The following ETFDH variants were observed in gnomAD, a reference collection of about 807,000 sequenced individuals.
ETFDH encodes the protein electron transfer flavoprotein-ubiquinone oxidoreductase, mitochondrial.
ETFDH carries 61 observed loss-of-function variants against 73.2 expected under a neutral mutation model. That is an observed-to-expected ratio of 0.83 (90% CI 0.68 to 1.03). The LOEUF is 1.03. Among genes scored for constraint, ETFDH ranks in the 50% least tolerant of loss-of-function variants. The pLI is 0.00. For missense variants in ETFDH, 685 were observed against 745.0 expected (o/e 0.92, Z 0.94); for synonymous variants, 243 against 253.3 (o/e 0.96, Z 0.39).
intron 5 of ETFDH, among the ~76,000 whole-genome samples, chr4:158,690,079 C>T (rs1430238352): frequency 6.6e-6 from 1 of 152,054 alleles, no homozygotes; most frequent in Non-Finnish European, 1.5e-5. Context: ...ACTGGTTTCC[C>T]TAGTAATCTC....
At chr4:158,680,084 CAAAA>C (rs70962622) in intron 1 of ETFDH, 3 of 63,140 alleles carry the variant, frequency 4.8e-5, no homozygotes, top group South Asian at 6.3e-4. Context: ...GACTCTGTCT[CAAAA>C]AAAAAAAAAA....
intron 7 of ETFDH, 58 bp from the exon 8 acceptor site, chr4:158,697,501 A>T: frequency 6.9e-7 from 1 of 1,441,150 alleles, no homozygotes; most frequent in Non-Finnish European, 9.7e-7. Flanking sequence ...CATTGTGGTG[A>T]CATAAAAACA....
At chr4:158,693,253 T>C (rs1303260145) in intron 6 of ETFDH, among the ~76,000 whole-genome samples, 1 of 152,218 alleles carries the variant, frequency 6.6e-6, no homozygotes, top group East Asian at 1.9e-4. Flanking sequence ...CTTGACACAG[T>C]TGGATTATGT....
chr4:158,708,247 A>C, intron 12 of ETFDH, 117 bp from the exon 13 acceptor site: 1 of 693,398 alleles, frequency 1.4e-6, no homozygotes, highest in Non-Finnish European at 2.5e-6. Flanking sequence ...TCTATGGGTA[A>C]GCATTCAGAA....
chr4:158,687,672 C>T (rs2150307673), intron 5 of ETFDH, among the ~76,000 whole-genome samples: 2 of 152,286 alleles, frequency 1.3e-5, no homozygotes, highest in East Asian at 3.9e-4. Flanking sequence ...CCATTAATTC[C>T]CTCAAAGTAA....
intron 1 of ETFDH, among the ~76,000 whole-genome samples, chr4:158,677,892 GT>G (rs1172492873): frequency 1.3e-5 from 2 of 152,222 alleles, no homozygotes; most frequent in East Asian, 3.9e-4. Context: ...TTAGAATTTT[GT>G]TTTTGGTTTA....
At chr4:158,700,365 C>T (rs909985511) in intron 9 of ETFDH, among the ~76,000 whole-genome samples, 1 of 151,916 alleles carries the variant, frequency 6.6e-6, no homozygotes, top group Non-Finnish European at 1.5e-5. Context: ...GTATTCAAGC[C>T]TATTAAACTT....
chr4:158,708,287 TTTCC>T, intron 12 of ETFDH, 73 bp from the exon 13 acceptor site: 2 of 1,113,112 alleles, frequency 1.8e-6, no homozygotes, highest in Admixed American at 3.8e-5. Flanking sequence ...GTGGCTACTC[TTTCC>T]TTAATTTTTA....
Position 158,706,740 on chromosome 4 carries a change from C to T in ETFDH, c.1580C>T (p.Thr527Ile). Residue 527 changes from threonine (T) to isoleucine (I), a missense_variant, in exon 12 of 13, where the codon ACT becomes ATT. This residue lies in a region of ETFDH where 201 missense variants were observed against 225.2 expected (regional missense o/e 0.89). Transcript: ENST00000511912. ...TTGTCATCTGTGGCTCTGAGTGGTACTAATCATGAACATGACCAGCCGGCA... is the reference window on the plus strand; with the variant it reads ...TTGTCATCTGTGGCTCTGAGTGGTATTAATCATGAACATGACCAGCCGGCA... ...DLLSSVALSGTNHEHDQPAHL... is the reference protein window; with the variant it reads ...DLLSSVALSGINHEHDQPAHL... The T allele has an allele frequency of 1.2e-6, 2 of 1,613,544 alleles. No individual in the cohort carries two copies. The highest frequency in any genetic ancestry group is 1.7e-6 in the Non-Finnish European group (2 of 1,179,538).
At position 158,697,598 on chromosome 4, in the gene ETFDH, G is replaced by A; in HGVS notation, c.871G>A (p.Val291Ile). 6.2e-7 allele frequency: 1 copy of A among 1,612,566 alleles called. No individual in the cohort carries two copies. Among genetic ancestry groups the A allele is most frequent in the Non-Finnish European group, 8.5e-7 (1 of 1,179,094 alleles). ...IDEKNWKPGRVDHTVGWPLDR... is the reference protein window; with the variant it reads ...IDEKNWKPGRIDHTVGWPLDR... ...TGAAAAGAACTGGAAACCTGGGAGA[G>A]TAGATCACACTGTTGGTTGGCCCTT... The change falls in exon 8 of 13, where the codon GTA becomes ATA. Residue 291 changes from valine (V) to isoleucine (I), a missense_variant. Val to Ile is a conservative substitution (Grantham distance 29). Around this residue, in one of 3 missense-constraint regions of ETFDH, gnomAD observed 405 missense variants for 399.3 expected, o/e 1.01. Coordinates refer to ENST00000511912, the MANE Select transcript of ETFDH (RefSeq NM_004453.4).
At chr4:158,680,666 G>T in intron 2 of ETFDH, 59 bp downstream of exon 2, 1 of 1,351,736 alleles carries the variant, frequency 7.4e-7, no homozygotes, top group South Asian at 1.2e-5. Flanking sequence ...TTTTCATTTT[G>T]TGGAGGAGAG....
chr4:158,699,597 G>T (rs1025659629), intron 9 of ETFDH, among the ~76,000 whole-genome samples: 1 of 152,092 alleles, frequency 6.6e-6, no homozygotes, highest in Non-Finnish European at 1.5e-5. Flanking sequence ...ATAATATATT[G>T]ATCTCTAGAG....
chr4:158,695,621 C>A lies in ETFDH; in HGVS notation c.809C>A (p.Thr270Asn). 1 of 1,611,064 alleles carries A rather than the reference C, an allele frequency of 6.2e-7. No individual in the cohort carries two copies. The highest frequency in any genetic ancestry group is 8.5e-7 in the Non-Finnish European group (1 of 1,177,344). ...TTGAGAGCAAATTGTGAACCTCAAA[C>A]CTACGGGATTGGACTGAAGGAGGTA... Reference protein sequence around the residue: ...FDLRANCEPQTYGIGLKELWV... With the variant: ...FDLRANCEPQNYGIGLKELWV... The change falls in exon 7 of 13, where the codon ACC becomes AAC. Residue 270 changes from threonine to asparagine, a missense_variant. Coordinates refer to ENST00000511912, the MANE Select transcript of ETFDH (RefSeq NM_004453.4).
chr4:158,672,600 G>A (rs1314979421), intron 1 of ETFDH, 110 bp downstream of exon 1: 4 of 1,100,650 alleles, frequency 3.6e-6, no homozygotes, highest in South Asian at 2.5e-5. Flanking sequence ...AGCTTTCTCA[G>A]GCTATCTAGG....
At chr4:158,676,080 T>C (rs1022059859) in intron 1 of ETFDH, among the ~76,000 whole-genome samples, 1 of 152,098 alleles carries the variant, frequency 6.6e-6, no homozygotes, top group Non-Finnish European at 1.5e-5. Flanking sequence ...AGAGAAAGAG[T>C]TTAATTCACA....
intron 12 of ETFDH, 82 bp from the exon 13 acceptor site, chr4:158,708,282 T>C (rs1774691466): frequency 9.8e-7 from 1 of 1,018,632 alleles, no homozygotes; most frequent in Non-Finnish European, 1.5e-6. Flanking sequence ...TTTCTGTGGC[T>C]ACTCTTTCCT....
chr4:158,687,025 G>C (rs1774023392), intron 5 of ETFDH, among the ~76,000 whole-genome samples: 2 of 152,120 alleles, frequency 1.3e-5, no homozygotes, highest in South Asian at 4.1e-4. Flanking sequence ...GATGACTTTA[G>C]GGGGATAGTA....
At chr4:158,701,369 C>T (rs1774457519) in intron 9 of ETFDH, among the ~76,000 whole-genome samples, 1 of 152,166 alleles carries the variant, frequency 6.6e-6, no homozygotes, top group African/African-American at 2.4e-5. Flanking sequence ...CTCCAGATAG[C>T]ACCTCCTCCC....
chr4:158,694,238 A>G (rs1774251573), intron 6 of ETFDH, among the ~76,000 whole-genome samples: 1 of 152,206 alleles, frequency 6.6e-6, no homozygotes, highest in African/African-American at 2.4e-5. Flanking sequence ...GTATTCATTC[A>G]CTATTTCTTG....
Sources: allele counts gnomAD v4.1 joint callset (sites outside exome capture counted in the v4.1 genomes callset), GRCh38; gene constraint gnomAD v4.1.1; regional missense constraint gnomAD v4.1.1; transcripts MANE v1.5; gene names NCBI Gene and HGNC (gene_info 2026-07-23, HGNC 2026-07-21).